Variants in CSMD1 observed in about 807,000 individuals in gnomAD.
CSMD1 encodes CUB and sushi domain-containing protein 1.
In CSMD1, 213 loss-of-function variants were observed where a neutral mutation model predicts 417.5. That is an observed-to-expected ratio of 0.51 (90% CI 0.46 to 0.57). The LOEUF (loss-of-function observed/expected upper bound fraction) is 0.57, where lower values mean the gene tolerates loss of function less well. Among genes scored for constraint, CSMD1 ranks in the 20% least tolerant of loss-of-function variants. The probability of loss-of-function intolerance (pLI) is 0.00; values close to 1 mark genes in which losing one functional copy is unlikely to be tolerated. For synonymous variants in CSMD1, 2,862 were observed against 1,736.8 expected (o/e 1.65, Z -16.11); for missense variants, 6,923 against 4,529.7 (o/e 1.53, Z -15.17).
chr8:3,715,419 T>C (rs753595193), intron 6 of CSMD1, among the ~76,000 whole-genome samples: 1 of 152,132 alleles, frequency 6.6e-6, no homozygotes, highest in African/African-American at 2.4e-5. Flanking sequence ...GAAAATGTGG[T>C]TCCGTCATTT....
chr8:3,616,210 G>A (rs563759089), intron 8 of CSMD1, among the ~76,000 whole-genome samples: 54 of 152,282 alleles, frequency 3.5e-4, no homozygotes, highest in African/African-American at 1.3e-3. Flanking sequence ...ATCTCCACAT[G>A]TCATGGGAGG....
rs141947425 is a variant in CSMD1, at chr8:4,016,616, G to C, written c.610+15289C>G. ...TTTCCCCAGATGAGGAAAATTATTT[G>C]GGTGAAGAGATGACTCTTTGCTTTG... On this transcript the variant is annotated intron_variant, in intron 4 of 69. Coordinates refer to ENST00000635120, the MANE Select transcript of CSMD1 (RefSeq NM_033225.6). Among the ~76,000 whole-genome samples, 13 of 152,284 alleles carry C rather than the reference G, an allele frequency of 8.5e-5. No individual in the cohort carries two copies. In the East Asian group the frequency reaches 1.2e-3, roughly 14 times the overall value.
chr8:4,869,063 T>C (rs1012217488), intron 1 of CSMD1, among the ~76,000 whole-genome samples: 33 of 152,120 alleles, frequency 2.2e-4, no homozygotes, highest in African/African-American at 7.0e-4. Flanking sequence ...TATCATCAGT[T>C]TCCAGTTGAA....
At chr8:3,787,550 G>A (rs910758595) in intron 5 of CSMD1, among the ~76,000 whole-genome samples, 23 of 152,144 alleles carry the variant, frequency 1.5e-4, no homozygotes, top group Non-Finnish European at 2.8e-4. Flanking sequence ...CCATGAATAG[G>A]TAAGAAGATA....
intron 3 of CSMD1, among the ~76,000 whole-genome samples, chr8:4,062,393 A>G (rs1799021999): frequency 1.3e-5 from 2 of 152,220 alleles, no homozygotes; most frequent in East Asian, 1.9e-4. Flanking sequence ...TAAGAGGGCA[A>G]TGAGACCAAT....
chr8:3,435,485 G>A (rs1814497826), intron 12 of CSMD1, among the ~76,000 whole-genome samples: 1 of 151,932 alleles, frequency 6.6e-6, no homozygotes. Flanking sequence ...ATCCTTTCAG[G>A]CTTTTGGGCA....
At chr8:3,873,505 A>G (rs931261682) in intron 5 of CSMD1, among the ~76,000 whole-genome samples, 1 of 152,114 alleles carries the variant, frequency 6.6e-6, no homozygotes, top group Admixed American at 6.6e-5. Context: ...GTGAATAATA[A>G]GAACACAGGG....
chr8:4,498,225 G>A (rs905955328), intron 2 of CSMD1, among the ~76,000 whole-genome samples: 2 of 152,106 alleles, frequency 1.3e-5, no homozygotes, highest in Admixed American at 1.3e-4. Context: ...GATGATTGTT[G>A]GCTGACTCAA....
At chr8:4,112,349 C>G (rs2130913901) in intron 3 of CSMD1, among the ~76,000 whole-genome samples, 2 of 152,278 alleles carry the variant, frequency 1.3e-5, no homozygotes, top group Admixed American at 1.3e-4. Flanking sequence ...TGTGATGAGG[C>G]TAGGGCTCCA....
intron 1 of CSMD1, among the ~76,000 whole-genome samples, chr8:4,939,688 A>C (rs1807852871): frequency 6.6e-6 from 1 of 152,230 alleles, no homozygotes; most frequent in Non-Finnish European, 1.5e-5. Flanking sequence ...TTACAGAATT[A>C]AAATCAGAGG....
intron 5 of CSMD1, among the ~76,000 whole-genome samples, chr8:3,983,905 G>A (rs1814103539): frequency 6.6e-6 from 1 of 152,110 alleles, no homozygotes; most frequent in East Asian, 1.9e-4. Flanking sequence ...CAGTTCTAGA[G>A]CACACCGCAC....
rs183259097 is a variant in CSMD1 at position 3,936,996 on chromosome 8, T to C, written c.818+60907A>G. On this transcript the variant is annotated intron_variant, in intron 5 of 69. Coordinates refer to ENST00000635120, the MANE Select transcript of CSMD1 (RefSeq NM_033225.6). Reference sequence around the variant, plus strand: ...AGAAGTTGATTTCAATCCTCGTGAATGACTTTGTTGGGTTAAAGGTTTCAG... The same window carrying C: ...AGAAGTTGATTTCAATCCTCGTGAACGACTTTGTTGGGTTAAAGGTTTCAG... 5.8e-4 allele frequency among the ~76,000 whole-genome samples: 88 copies of C among 152,284 alleles called. 1 individual carries two copies. The East Asian group carries it at 0.015, about 25-fold the overall frequency.
intron 10 of CSMD1, among the ~76,000 whole-genome samples, chr8:3,535,926 T>A (rs142758628): frequency 9.5e-4 from 145 of 152,226 alleles, no homozygotes; most frequent in African/African-American, 3.4e-3. Flanking sequence ...GCTTCAAGGC[T>A]AGCAGGAGAA....
chr8:3,411,250 G>C (rs1812681366), intron 12 of CSMD1, among the ~76,000 whole-genome samples: 1 of 152,154 alleles, frequency 6.6e-6, no homozygotes. Flanking sequence ...AGTCCCAAAA[G>C]TGCATTGGTT....
At position 3,920,566 on chromosome 8, in the gene CSMD1, G is replaced by A. The variant is rs184991791; in HGVS notation, c.818+77337C>T. Among the ~76,000 whole-genome samples, 74 of 152,180 alleles carry A rather than the reference G, an allele frequency of 4.9e-4. No individual in the cohort carries two copies. In the East Asian group the frequency reaches 7.5e-3, roughly 16 times the overall value. On this transcript the variant is annotated intron_variant, in intron 5 of 69. Transcript: ENST00000635120. The stretch of plus-strand genomic sequence containing the variant: ...AACTTGTCTTGTTCTTAAATTTAAA[G>A]AGAAATGCTTTCAGCTTTTCATCAT...
intron 1 of CSMD1, among the ~76,000 whole-genome samples, chr8:4,698,903 A>AAC (rs71988727): frequency 0.079 from 11,117 of 140,094 alleles, 443 homozygotes; most frequent in Middle Eastern, 0.12. Context: ...ATACCCTCCC[A>AAC]ACACACACAC....
chr8:4,008,873 G>A (rs538983906), intron 4 of CSMD1, among the ~76,000 whole-genome samples: 1 of 151,944 alleles, frequency 6.6e-6, no homozygotes, highest in Non-Finnish European at 1.5e-5. Context: ...GCCTCCCAAA[G>A]TGCTGGGATT....
At chr8:4,354,556 C>T (rs1353829399) in intron 3 of CSMD1, among the ~76,000 whole-genome samples, 1 of 152,102 alleles carries the variant, frequency 6.6e-6, no homozygotes, top group Non-Finnish European at 1.5e-5. Flanking sequence ...TGCATTAGCA[C>T]TAAACATAGA....
intron 1 of CSMD1, among the ~76,000 whole-genome samples, chr8:4,648,465 C>T (rs1380468004): frequency 1.3e-5 from 2 of 152,106 alleles, no homozygotes; most frequent in Non-Finnish European, 2.9e-5. Context: ...ATCTTCCTCA[C>T]ACACACACCA....
Sources: allele counts gnomAD v4.1 joint callset (sites outside exome capture counted in the v4.1 genomes callset), GRCh38; gene constraint gnomAD v4.1.1; transcripts MANE v1.5; gene names NCBI Gene and HGNC (gene_info 2026-07-23, HGNC 2026-07-21).